AHNAK2: variants seen among roughly 807,000 people sequenced by gnomAD.
AHNAK2 encodes the protein AHNAK nucleoprotein 2.
In AHNAK2, 18 loss-of-function variants were observed where a neutral mutation model predicts 30.7. The ratio of observed to expected loss-of-function variants is 0.59; its 90% confidence interval spans 0.41 to 0.87. AHNAK2 has a LOEUF of 0.87. Among genes scored for constraint, AHNAK2 ranks in the 40% least tolerant of loss-of-function variants. AHNAK2 has a pLI of 0.00. For missense variants in AHNAK2, 8,604 were observed against 7,373.0 expected, an observed-to-expected ratio of 1.17 and a Z score of -6.11; for synonymous variants, 3,590 against 3,073.8, an observed-to-expected ratio of 1.17 and a Z score of -5.56.
chr14:104,938,380 G>A lies in AHNAK2; in HGVS notation c.17071C>T (p.Gln5691Ter). 1 of 1,613,912 alleles carries A rather than the reference G, an allele frequency of 6.2e-7. No individual in the cohort carries two copies. The change falls in exon 7 of 7, where the codon CAG becomes TAG. Residue 5691 changes from glutamine (Q) to a stop codon, truncating the protein, a stop_gained. Transcript: ENST00000333244. LOFTEE classifies it low-confidence loss of function (END_TRUNC). Reference protein sequence around the residue: ...ARPEAELPKKQEKAGWFRFPK... With the variant: ...ARPEAELPKK ...AATCGGAACCAGCCTGCCTTCTCCT[G>A]TTTTTTAGGCAGTTCTGCCTCTGGT...
At chr14:104,971,894 G>A (rs1000579841) in intron 1 of AHNAK2, among the ~76,000 whole-genome samples, 2 of 152,268 alleles carry the variant, frequency 1.3e-5, no homozygotes, top group African/African-American at 4.8e-5. Flanking sequence ...CAGGCCTTAG[G>A]GGCAGCGAGG....
chr14:104,942,208 C>G lies in AHNAK2; in HGVS notation c.13243G>C (p.Val4415Leu). Residue 4415 changes from valine to leucine, a missense_variant, in exon 7 of 7, where the codon GTG becomes CTG. Physicochemically the swap from Val to Leu is conservative, Grantham distance 32. Coordinates refer to ENST00000333244, the MANE Select transcript of AHNAK2 (RefSeq NM_138420.4). Reference sequence around the variant, plus strand: ...TCCAGGTTGGGGGACGTCACCTCCACCTTGGGGCCTTTCAGGTCCAGCTTG... The same window carrying G: ...TCCAGGTTGGGGGACGTCACCTCCAGCTTGGGGCCTTTCAGGTCCAGCTTG... ...VPKLDLKGPK[V>L]EVTSPNLDVS... 6.2e-7 allele frequency: 1 copy of G among 1,613,042 alleles called. No individual in the cohort carries two copies. Among genetic ancestry groups the G allele is most frequent in the Non-Finnish European group, 8.5e-7 (1 of 1,179,730 alleles).
intron 1 of AHNAK2, among the ~76,000 whole-genome samples, chr14:104,964,733 A>G (rs1887819352): frequency 6.6e-6 from 1 of 152,248 alleles, no homozygotes; most frequent in South Asian, 2.1e-4. Context: ...CATCCAGCTC[A>G]CAGTCAGGCT....
chr14:104,947,998 T>G lies in AHNAK2; in HGVS notation c.7453A>C (p.Ile2485Leu), dbSNP rs777783695. 58 of 1,611,886 alleles carry G rather than the reference T, an allele frequency of 3.6e-5. No individual in the cohort carries two copies. Among genetic ancestry groups the G allele is most frequent in the Non-Finnish European group, 1.9e-5 (22 of 1,179,400 alleles). ...DVTTKDSRFKIPKFKMPSFGV... is the reference protein window; with the variant it reads ...DVTTKDSRFKLPKFKMPSFGV... ...AATGACGGCATCTTGAACTTGGGAA[T>G]TTTGAACCTGCTGTCTTTGGTAGTC... The change falls in exon 7 of 7, where the codon ATT becomes CTT. Residue 2485 changes from isoleucine to leucine, a missense_variant. Transcript: ENST00000333244.
In AHNAK2 at chr14:104,947,682, C is replaced by G; in HGVS notation, c.7769G>C (p.Gly2590Ala). ...GGGGCCTTTCAGGTCCAGCTTGGGGCCCTTGACATCTAGCTGGGGGCCCTT... is the reference window on the plus strand; with the variant it reads ...GGGGCCTTTCAGGTCCAGCTTGGGGGCCTTGACATCTAGCTGGGGGCCCTT... The part of the protein sequence containing the change: ...DLKGPQLDVK[G>A]PKLDLKGPKA... The change falls in exon 7 of 7, where the codon GGC becomes GCC. Residue 2590 changes from glycine (G) to alanine (A), a missense_variant. By Grantham distance (60) the Gly-to-Ala change is moderately conservative (BLOSUM62 0). Coordinates refer to ENST00000333244, the MANE Select transcript of AHNAK2 (RefSeq NM_138420.4). 6.2e-7 allele frequency: 1 copy of G among 1,613,002 alleles called. No individual in the cohort carries two copies. The highest frequency in any genetic ancestry group is 1.1e-5 in the South Asian group (1 of 91,048).
In AHNAK2 at chr14:104,947,509, A is replaced by G; in HGVS notation, c.7942T>C (p.Phe2648Leu). The change falls in exon 7 of 7, where the codon TTC becomes CTC. Residue 2648 changes from phenylalanine (F) to leucine (L), a missense_variant. By Grantham distance (22) the Phe-to-Leu change is conservative. Coordinates refer to ENST00000333244, the MANE Select transcript of AHNAK2 (RefSeq NM_138420.4). ...GGCATCTTGAACTTGGGCATTTTGA[A>G]CTTGCTATCTTTGGCTGTCACACCC... ...DKGVTAKDSK[F>L]KMPKFKMPSF... The G allele has an allele frequency of 6.2e-7, 1 of 1,611,804 alleles. No homozygotes were observed. Among genetic ancestry groups the G allele is most frequent in the East Asian group, 2.2e-5 (1 of 44,614 alleles).
rs1354188923 is a variant in AHNAK2 at position 104,951,633 on chromosome 14, A to T, written c.3818T>A (p.Leu1273Gln). ...CTCTGCCTTATGACCTTTCAGGTCC[A>T]GCTTGGGGCCCCTGACTTCCACCTG... ...GPQVEVRGPK[L>Q]DLKGHKAEVT... Residue 1273 changes from leucine to glutamine, a missense_variant, in exon 7 of 7, where the codon CTG becomes CAG. Leu to Gln is a moderately radical substitution (Grantham distance 113). Coordinates refer to ENST00000333244, the MANE Select transcript of AHNAK2 (RefSeq NM_138420.4). 8.0e-7 allele frequency: 1 copy of T among 1,246,758 alleles called. No homozygotes were observed. The highest frequency in any genetic ancestry group is 1.4e-5 in the African/African-American group (1 of 70,692). 77.2% of individuals were successfully genotyped at this position (1,246,758 alleles called of 1,614,324 possible).
At position 104,939,410 on chromosome 14, in the gene AHNAK2, C is replaced by A. The variant is rs750877103; in HGVS notation, c.16041G>T (p.Trp5347Cys). 6.2e-7 allele frequency: 1 copy of A among 1,613,558 alleles called. No individual in the cohort carries two copies. Among genetic ancestry groups the A allele is most frequent in the Non-Finnish European group, 8.5e-7 (1 of 1,179,860 alleles). ...LASMEDKTEK[W>C]SSQPEGPLKL... Reference sequence around the variant, plus strand: ...TAAGTGGACCTTCAGGCTGGGAAGACCATTTCTCTGTTTTATCCTCCATGC... The same window carrying A: ...TAAGTGGACCTTCAGGCTGGGAAGAACATTTCTCTGTTTTATCCTCCATGC... The change falls in exon 7 of 7, where the codon TGG (tryptophan) becomes TGT (cysteine). Residue 5347 changes from tryptophan to cysteine, a missense_variant. Trp to Cys is a radical substitution (Grantham distance 215). Coordinates refer to ENST00000333244, the MANE Select transcript of AHNAK2 (RefSeq NM_138420.4).
At position 104,949,955 on chromosome 14, in the gene AHNAK2, C is replaced by T. The variant is rs11851045; in HGVS notation, c.5496G>A (p.Ser1832=). The change falls in exon 7 of 7, where the codon TCG becomes TCA. Residue 1832 remains serine (S), a synonymous_variant. Coordinates refer to ENST00000333244, the MANE Select transcript of AHNAK2 (RefSeq NM_138420.4). ...ACTTGCCTGGGGCAGACACCCCGAA[C>T]GACGGCATCTTGAACTTGGGCATTT... The part of the protein sequence containing the change: ...KFKMPKFKMP[S]FGVSAPGKSI... The T allele has an allele frequency of 5.6e-3, 8,840 of 1,583,738 alleles. 374 individuals carry two copies. The highest frequency in any genetic ancestry group is 0.044 in the African/African-American group (3,109 of 70,114).
At position 104,950,032 on chromosome 14, in the gene AHNAK2, C is replaced by T. The variant is rs771759150; in HGVS notation, c.5419G>A (p.Gly1807Ser). 2.5e-6 allele frequency: 4 copies of T among 1,587,040 alleles called. No individual in the cohort carries two copies. The South Asian group carries it at 3.3e-5, about 13-fold the overall frequency. Residue 1807 changes from glycine to serine, a missense_variant, in exon 7 of 7, where the codon GGT becomes AGT. Physicochemically the swap from Gly to Ser is moderately conservative, Grantham distance 56. Coordinates refer to ENST00000333244, the MANE Select transcript of AHNAK2 (RefSeq NM_138420.4). The part of the protein sequence containing the change: ...GAKLDSVRLE[G>S]DLSLADKDVT... ...TCCTTGTCGGCCAGGGACAGGTCACCCTCCAGCCGCACACTGTCCAGCTTG... is the reference window on the plus strand; with the variant it reads ...TCCTTGTCGGCCAGGGACAGGTCACTCTCCAGCCGCACACTGTCCAGCTTG...
rs1040163845 is a variant in AHNAK2, at chr14:104,948,692, G to A, written c.6759C>T (p.Gly2253=). 1.3e-5 allele frequency: 21 copies of A among 1,609,188 alleles called. No homozygotes were observed. Among genetic ancestry groups the A allele is most frequent in the African/African-American group, 8.2e-5 (6 of 73,420 alleles). Residue 2253 remains glycine (G), a synonymous_variant, in exon 7 of 7, where the codon GGC becomes GGT. Coordinates refer to ENST00000333244, the MANE Select transcript of AHNAK2 (RefSeq NM_138420.4). ...TGGGGCCCTTGATGTCTATTTCGGG[G>A]CCCTTGAGGTCCACTTTGGGCACCT... The part of the protein sequence containing the change: ...SFKVPKVDLK[G]PEIDIKGPKL...
Position 104,953,843 on chromosome 14 carries a change from C to T in AHNAK2, c.1608G>A (p.Gly536=). ...TGGTTGGTTCCCTGCCCGGCATCCA[C>T]CCGGCTCCTTCCACCTCCTCACCCT... ...GLKGEEVEGA[G]WMPGREPTTH... The change falls in exon 7 of 7, where the codon GGG becomes GGA. Residue 536 remains glycine (G), a synonymous_variant. Transcript: ENST00000333244. 1 of 1,614,020 alleles carries T rather than the reference C, an allele frequency of 6.2e-7. No individual in the cohort carries two copies. The highest frequency in any genetic ancestry group is 8.5e-7 in the Non-Finnish European group (1 of 1,179,906).
intron 1 of AHNAK2, among the ~76,000 whole-genome samples, chr14:104,973,881 C>A (rs1357654443): frequency 5.9e-5 from 9 of 152,176 alleles, no homozygotes; most frequent in Non-Finnish European, 1.0e-4. Flanking sequence ...GGCAGGGACC[C>A]GCAGCCGGAG....
At chr14:104,975,277 C>A (rs986400894) in intron 1 of AHNAK2, among the ~76,000 whole-genome samples, 1 of 152,236 alleles carries the variant, frequency 6.6e-6, no homozygotes, top group Non-Finnish European at 1.5e-5. Flanking sequence ...GAGCCTCACC[C>A]CCTTCCCTGA....
chr14:104,948,220 T>G lies in AHNAK2; in HGVS notation c.7231A>C (p.Met2411Leu). ...LPKLQMPSFK[M>L]PKVDLKGPQI... ...GGGCCCTTGAGATCTACTTTGGGCA[T>G]CTTGAAACTGGGCATCTGCAGCTTG... Residue 2411 changes from methionine to leucine, a missense_variant, in exon 7 of 7, where the codon ATG (methionine) becomes CTG (leucine). By Grantham distance (15) the Met-to-Leu change is conservative. Transcript: ENST00000333244. 1 of 1,610,894 alleles carries G rather than the reference T, an allele frequency of 6.2e-7. No individual in the cohort carries two copies. The highest frequency in any genetic ancestry group is 2.2e-5 in the East Asian group (1 of 44,526).
At chr14:104,974,097 A>T (rs529971239) in intron 1 of AHNAK2, among the ~76,000 whole-genome samples, 2 of 152,342 alleles carry the variant, frequency 1.3e-5, no homozygotes, top group African/African-American at 2.4e-5. Flanking sequence ...ATGACTTCCA[A>T]AAAAAGAAAA....
intron 1 of AHNAK2, among the ~76,000 whole-genome samples, chr14:104,961,242 C>T (rs181810723): frequency 1.6e-4 from 24 of 152,026 alleles, no homozygotes; most frequent in South Asian, 1.2e-3. Context: ...GGGCCGGGCA[C>T]GGTGGCTCAC....
Position 104,943,119 on chromosome 14 carries a change from T to A in AHNAK2, c.12332A>T (p.Asp4111Val), listed in dbSNP as rs749085998. Residue 4111 changes from aspartate (D) to valine (V), a missense_variant, in exon 7 of 7, where the codon GAT becomes GTT. By Grantham distance (152) the Asp-to-Val change is radical. Transcript: ENST00000333244. Reference protein sequence around the residue: ...VDVQAPRAKLDGVQLEGDLSL... With the variant: ...VDVQAPRAKLVGVQLEGDLSL... ...CAGGTCCCCCTCCAGCTGCACACCA[T>A]CCAGCTTTGCTCTCGGGGCCTGGAC... 1.2e-6 allele frequency: 2 copies of A among 1,613,068 alleles called. No homozygotes were observed. The highest frequency in any genetic ancestry group is 1.1e-5 in the South Asian group (1 of 91,026).
At position 104,943,591 on chromosome 14, in the gene AHNAK2, G is replaced by T. The variant is rs769863586; in HGVS notation, c.11860C>A (p.Leu3954Met). The T allele has an allele frequency of 3.2e-5, 51 of 1,613,126 alleles. No homozygotes were observed. In the African/African-American group the frequency reaches 6.0e-4, roughly 19 times the overall value. ...KLDGARLEGD[L>M]SLADKDMTAK... ...GTCATGTCCTTGTCGGCCAGGGACA[G>T]GTCCCCCTCCAGCCGCGCACCATCC... Residue 3954 changes from leucine to methionine, a missense_variant, in exon 7 of 7, where the codon CTG becomes ATG. By Grantham distance (15) the Leu-to-Met change is conservative (BLOSUM62 2). Transcript: ENST00000333244.
Sources: gnomAD v4.1 joint callset for allele counts (sites outside exome capture counted in the v4.1 genomes callset) on GRCh38, gnomAD v4.1.1 for gene constraint, MANE v1.5 for transcripts, NCBI Gene and HGNC (gene_info 2026-07-23, HGNC 2026-07-21) for gene names.